Variants in SLC24A3 observed in about 807,000 individuals in gnomAD.
The protein encoded by SLC24A3 is sodium/potassium/calcium exchanger 3.
Under a neutral mutation model 75.8 loss-of-function variants are expected in SLC24A3, and 28 were observed. That is an observed-to-expected ratio of 0.37 (90% CI 0.27 to 0.51). SLC24A3 has a LOEUF of 0.51. Ranked by LOEUF, SLC24A3 falls within the 20% of genes least tolerant of loss-of-function variation. The pLI is 0.94. For synonymous variants in SLC24A3, 372 were observed against 334.1 expected, an observed-to-expected ratio of 1.11 and a Z score of -1.24; for missense variants, 663 against 847.8, an observed-to-expected ratio of 0.78 and a Z score of 2.71.
intron 2 of SLC24A3, among the ~76,000 whole-genome samples, chr20:19,372,104 C>T (rs569166354): frequency 3.7e-4 from 57 of 152,312 alleles, no homozygotes; most frequent in African/African-American, 1.3e-3. Context: ...CATGCTCTTA[C>T]ACAAGGAACA....
intron 2 of SLC24A3, among the ~76,000 whole-genome samples, chr20:19,284,933 ACTT>A (rs1983769664): frequency 6.6e-6 from 1 of 152,214 alleles, no homozygotes; most frequent in Non-Finnish European, 1.5e-5. Flanking sequence ...ATTCAAGAAA[ACTT>A]CTTCCCCTTG....
chr20:19,615,085 A>G (rs2031720358), intron 6 of SLC24A3, among the ~76,000 whole-genome samples: 1 of 152,170 alleles, frequency 6.6e-6, no homozygotes, highest in Non-Finnish European at 1.5e-5. Flanking sequence ...TTAACCACCA[A>G]GTGGTTTGAT....
intron 1 of SLC24A3, among the ~76,000 whole-genome samples, chr20:19,233,051 C>G (rs769570303): frequency 6.6e-6 from 1 of 152,214 alleles, no homozygotes; most frequent in Non-Finnish European, 1.5e-5. Context: ...ACTTTTTAAA[C>G]AGATATCTTG....
chr20:19,222,442 G>A (rs1981740671), intron 1 of SLC24A3, among the ~76,000 whole-genome samples: 2 of 152,108 alleles, frequency 1.3e-5, no homozygotes, highest in Admixed American at 1.3e-4. Flanking sequence ...ATCTAACTGG[G>A]CTATTTTATT....
intron 2 of SLC24A3, among the ~76,000 whole-genome samples, chr20:19,371,371 C>CAG (rs11473018): frequency 0.58 from 88,103 of 151,904 alleles, 28,036 homozygotes; most frequent in African/African-American, 0.85. Flanking sequence ...GATCACCGAG[C>CAG]AGTCTGCTCT....
At chr20:19,411,377 A>G (rs1216817708) in intron 2 of SLC24A3, among the ~76,000 whole-genome samples, 1 of 152,142 alleles carries the variant, frequency 6.6e-6, no homozygotes, top group Non-Finnish European at 1.5e-5. Flanking sequence ...AGTCTTCAGA[A>G]CTCTGTGGTA....
intron 2 of SLC24A3, among the ~76,000 whole-genome samples, chr20:19,498,345 T>G (rs969690163): frequency 6.6e-6 from 1 of 152,176 alleles, no homozygotes; most frequent in East Asian, 1.9e-4. Context: ...GGAAAAATTG[T>G]CTTCCACAAA....
chr20:19,310,287 C>A (rs913630394), intron 2 of SLC24A3, among the ~76,000 whole-genome samples: 3 of 152,204 alleles, frequency 2.0e-5, no homozygotes, highest in Admixed American at 6.5e-5. Flanking sequence ...ATTGGCCACA[C>A]AGAAGCTCAG....
chr20:19,278,210 T>A (rs184371946), intron 1 of SLC24A3, among the ~76,000 whole-genome samples: 35 of 152,314 alleles, frequency 2.3e-4, no homozygotes, highest in African/African-American at 8.4e-4. Context: ...TAGGAGTAGG[T>A]GGATGAATAC....
In SLC24A3 at chr20:19,688,050, C is replaced by T. The variant is rs77854719; in HGVS notation, c.1324+2689C>T. 3.6e-3 allele frequency among the ~76,000 whole-genome samples: 554 copies of T among 152,256 alleles called. 12 individuals are homozygous for T. The highest frequency in any genetic ancestry group is 0.03 in the East Asian group (157 of 5,180). On this transcript the variant is annotated intron_variant, in intron 12 of 16. Transcript: ENST00000328041. ...GATACTCTGTGTGGTCGTACCATCC[C>T]GTGGGGTCTCCATGTCATTCAAGGG...
intron 2 of SLC24A3, among the ~76,000 whole-genome samples, chr20:19,477,442 C>G (rs1005938527): frequency 1.3e-5 from 2 of 152,098 alleles, no homozygotes; most frequent in African/African-American, 4.8e-5. Flanking sequence ...TGGAGGCAAG[C>G]TAAGTCCAAA....
chr20:19,243,782 C>T (rs1418234018), intron 1 of SLC24A3: 1 of 152,410 alleles, frequency 6.6e-6, no homozygotes, highest in African/African-American at 2.4e-5. Flanking sequence ...CTTTCCTCCC[C>T]TTGGTTCTGA....
chr20:19,520,244 TC>T (rs1159858787), intron 3 of SLC24A3, among the ~76,000 whole-genome samples: 1 of 152,204 alleles, frequency 6.6e-6, no homozygotes, highest in Non-Finnish European at 1.5e-5. Flanking sequence ...GAGAATATTT[TC>T]AATGTGCGTC....
chr20:19,702,004 A>C (rs180774955), intron 15 of SLC24A3, among the ~76,000 whole-genome samples: 1 of 152,184 alleles, frequency 6.6e-6, no homozygotes, highest in Non-Finnish European at 1.5e-5. Flanking sequence ...GGGGACAATC[A>C]TAGAAGGTGA....
At chr20:19,249,547 G>C (rs974352825) in intron 1 of SLC24A3, among the ~76,000 whole-genome samples, 3 of 152,106 alleles carry the variant, frequency 2.0e-5, no homozygotes, top group African/African-American at 7.2e-5. Context: ...TTCATTTCCA[G>C]TGTGAACATA....
intron 6 of SLC24A3, among the ~76,000 whole-genome samples, chr20:19,644,680 A>G (rs2032114450): frequency 6.6e-6 from 1 of 152,230 alleles, no homozygotes; most frequent in Admixed American, 6.5e-5. Flanking sequence ...CAAAATCTAC[A>G]GATAACCCCA....
chr20:19,355,328 A>C (rs1568598044), intron 2 of SLC24A3, among the ~76,000 whole-genome samples: 1 of 152,240 alleles, frequency 6.6e-6, no homozygotes, highest in Non-Finnish European at 1.5e-5. Flanking sequence ...TTCACATGAT[A>C]ACCACTGATT....
At chr20:19,593,039 G>T (rs1002078013) in intron 6 of SLC24A3, among the ~76,000 whole-genome samples, 1 of 151,906 alleles carries the variant, frequency 6.6e-6, no homozygotes, top group Non-Finnish European at 1.5e-5. Flanking sequence ...CAGATGATCC[G>T]CCTGCCTCAG....
chr20:19,302,737 C>T (rs1336356982), intron 2 of SLC24A3, among the ~76,000 whole-genome samples: 1 of 152,156 alleles, frequency 6.6e-6, no homozygotes, highest in Non-Finnish European at 1.5e-5. Flanking sequence ...GATGTTCATT[C>T]CACTCATGTA....
Sources: allele counts gnomAD v4.1 joint callset (sites outside exome capture counted in the v4.1 genomes callset), GRCh38; gene constraint gnomAD v4.1.1; transcripts MANE v1.5; gene names NCBI Gene and HGNC (gene_info 2026-07-23, HGNC 2026-07-21).